Variants in SNTB1 observed in about 807,000 individuals in gnomAD.
SNTB1 encodes beta-1-syntrophin.
In SNTB1, 36 loss-of-function variants were observed where a neutral mutation model predicts 48.9. The observed-to-expected ratio is 0.74, with a 90% CI of 0.56 to 0.97. The LOEUF (loss-of-function observed/expected upper bound fraction) is 0.97, where lower values mean the gene tolerates loss of function less well. Ranked by LOEUF, SNTB1 falls within the 50% of genes least tolerant of loss-of-function variation. The pLI is 0.00. For missense variants in SNTB1, 786 were observed against 703.4 expected (o/e 1.12, Z -1.33); for synonymous variants, 299 against 294.6 (o/e 1.01, Z -0.15).
chr8:120,642,525 T>C (rs976902105), intron 2 of SNTB1, among the ~76,000 whole-genome samples: 5 of 152,196 alleles, frequency 3.3e-5, no homozygotes, highest in African/African-American at 1.2e-4. Flanking sequence ...AGCCTATTGA[T>C]AGTTGTCCCC....
intron 1 of SNTB1, among the ~76,000 whole-genome samples, chr8:120,755,164 G>A (rs1819295309): frequency 7.5e-6 from 1 of 132,736 alleles, no homozygotes; most frequent in South Asian, 2.5e-4. Context: ...GTGTGTGTGT[G>A]TGTGTGTGAG....
chr8:120,603,994 C>T (rs1185866222), intron 3 of SNTB1, among the ~76,000 whole-genome samples: 2 of 152,108 alleles, frequency 1.3e-5, no homozygotes, highest in East Asian at 1.9e-4. Context: ...AAAAGGAATC[C>T]TGCTCTTCCA....
chr8:120,726,334 A>AT lies in SNTB1; in HGVS notation c.572-32427dup, dbSNP rs530796641. The stretch of plus-strand genomic sequence containing the variant: ...AGACATTGCTGACTGGAGAGGATAC[A>AT]TTTTTTTTTTGGGATAAGGATTAAA... On this transcript the variant is annotated intron_variant, in intron 1 of 6. Transcript: ENST00000517992. Among the ~76,000 whole-genome samples the AT allele has an allele frequency of 2.2e-3, 324 of 149,486 alleles. 1 individual carries two copies. Among genetic ancestry groups the AT allele is most frequent in the South Asian group, 2.5e-3 (12 of 4,710 alleles).
At chr8:120,546,848 G>A (rs1023143775) in intron 5 of SNTB1, among the ~76,000 whole-genome samples, 2 of 152,176 alleles carry the variant, frequency 1.3e-5, no homozygotes, top group Non-Finnish European at 1.5e-5. Context: ...AAGTTTGGAT[G>A]TCTATCATCA....
intron 4 of SNTB1, among the ~76,000 whole-genome samples, chr8:120,553,055 A>G (rs1815508877): frequency 6.6e-6 from 1 of 152,148 alleles, no homozygotes; most frequent in South Asian, 2.1e-4. Context: ...AATACAGATG[A>G]AGCTTTGCTT....
At chr8:120,660,786 G>T (rs142911526) in intron 2 of SNTB1, among the ~76,000 whole-genome samples, 1 of 152,126 alleles carries the variant, frequency 6.6e-6, no homozygotes, top group African/African-American at 2.4e-5. Context: ...GAGACGAGAC[G>T]TGTGACTCTT....
At chr8:120,618,174 C>G (rs1816744880) in intron 3 of SNTB1, among the ~76,000 whole-genome samples, 1 of 152,092 alleles carries the variant, frequency 6.6e-6, no homozygotes, top group Non-Finnish European at 1.5e-5. Context: ...TGACTTCTTC[C>G]TTTGAGCCCC....
chr8:120,701,452 T>C (rs1430174116), intron 1 of SNTB1, among the ~76,000 whole-genome samples: 1 of 152,174 alleles, frequency 6.6e-6, no homozygotes, highest in East Asian at 1.9e-4. Context: ...AGCTGCCTTT[T>C]CTGACAACAT....
At chr8:120,546,972 A>T (rs1333507803) in intron 5 of SNTB1, among the ~76,000 whole-genome samples, 1 of 152,188 alleles carries the variant, frequency 6.6e-6, no homozygotes, top group African/African-American at 2.4e-5. Context: ...TTGTCTCTGT[A>T]GAAACTACAG....
At chr8:120,677,204 T>A (rs1271392528) in intron 2 of SNTB1, among the ~76,000 whole-genome samples, 2 of 152,224 alleles carry the variant, frequency 1.3e-5, no homozygotes, top group East Asian at 3.8e-4. Flanking sequence ...CCACTCTGGC[T>A]CATGCACCTT....
chr8:120,583,550 CACACACACACAA>C (rs1816083851), intron 3 of SNTB1, among the ~76,000 whole-genome samples: 1 of 136,424 alleles, frequency 7.3e-6, no homozygotes, highest in Non-Finnish European at 1.7e-5. Context: ...CACACACACA[CACACACACACAA>C]AACTGGAACA....
At chr8:120,720,892 A>G (rs1335282380) in intron 1 of SNTB1, among the ~76,000 whole-genome samples, 1 of 152,198 alleles carries the variant, frequency 6.6e-6, no homozygotes, top group Non-Finnish European at 1.5e-5. Context: ...CTGTCAGTCA[A>G]CAAGTCTTTT....
chr8:120,703,707 A>T (rs1004138622), intron 1 of SNTB1, among the ~76,000 whole-genome samples: 2 of 152,202 alleles, frequency 1.3e-5, no homozygotes, highest in African/African-American at 2.4e-5. Context: ...GTATACAAAT[A>T]CACCAGTCTG....
At chr8:120,789,692 T>C (rs760449159) in intron 1 of SNTB1, among the ~76,000 whole-genome samples, 15 of 151,696 alleles carry the variant, frequency 9.9e-5, no homozygotes, top group Non-Finnish European at 1.9e-4. Flanking sequence ...CAGGAAGAAA[T>C]AGACATCCTG....
chr8:120,713,471 C>A (rs1411262207), intron 1 of SNTB1, among the ~76,000 whole-genome samples: 1 of 152,136 alleles, frequency 6.6e-6, no homozygotes, highest in East Asian at 1.9e-4. Context: ...GTGGCTCATG[C>A]CTGTAATCCC....
intron 3 of SNTB1, among the ~76,000 whole-genome samples, chr8:120,581,804 G>A (rs914797216): frequency 6.6e-6 from 1 of 152,000 alleles, no homozygotes; most frequent in Admixed American, 6.6e-5. Flanking sequence ...CTTCCAGGCT[G>A]GAATGCAGTG....
chr8:120,765,613 G>T (rs116659919), intron 1 of SNTB1, among the ~76,000 whole-genome samples: 3,493 of 152,226 alleles, frequency 0.023, 133 homozygotes, highest in African/African-American at 0.08. Flanking sequence ...GCATGCAAGA[G>T]AGCAAGAAAT....
intron 1 of SNTB1, among the ~76,000 whole-genome samples, chr8:120,728,403 G>A (rs773783791): frequency 3.9e-5 from 6 of 152,218 alleles, no homozygotes; most frequent in Admixed American, 1.3e-4. Flanking sequence ...ATTGTGTGAC[G>A]CTGAGGTTTG....
chr8:120,803,434 T>C (rs1413075631), intron 1 of SNTB1, among the ~76,000 whole-genome samples: 2 of 151,966 alleles, frequency 1.3e-5, no homozygotes, highest in African/African-American at 4.8e-5. Context: ...GGTAATGAGG[T>C]TTGGTATATA....
Sources: allele counts gnomAD v4.1 joint callset (sites outside exome capture counted in the v4.1 genomes callset), GRCh38; gene constraint gnomAD v4.1.1; transcripts MANE v1.5; gene names NCBI Gene and HGNC (gene_info 2026-07-23, HGNC 2026-07-21).